Variants in BRF1 observed in about 807,000 individuals in gnomAD.
BRF1 encodes the protein BRF1 general transcription factor IIIB subunit, also known as transcription factor IIIB 90 kDa subunit.
A neutral mutation model predicts 81.7 loss-of-function variants in BRF1; 59 were observed. The observed-to-expected ratio is 0.72, with a 90% confidence interval of 0.59 to 0.90. BRF1 has a LOEUF of 0.90. Among genes scored for constraint, BRF1 ranks in the 40% least tolerant of loss-of-function variants. The probability of loss-of-function intolerance (pLI) is 0.00; values close to 1 mark genes in which losing one functional copy is unlikely to be tolerated. For synonymous variants in BRF1, 491 were observed against 395.6 expected (o/e 1.24, Z -2.86); for missense variants, 1,050 against 936.3 (o/e 1.12, Z -1.58).
intron 1 of BRF1, among the ~76,000 whole-genome samples, chr14:105,299,310 G>A (rs771585719): frequency 3.3e-5 from 5 of 151,878 alleles, no homozygotes; most frequent in African/African-American, 9.7e-5. Context: ...GGTGGCTCAC[G>A]CTGTAATCCC....
chr14:105,268,685 T>C (rs2056530109), intron 3 of BRF1, among the ~76,000 whole-genome samples: 2 of 152,208 alleles, frequency 1.3e-5, no homozygotes, highest in Non-Finnish European at 2.9e-5. Flanking sequence ...GACGATACGA[T>C]AGGAGGATCC....
chr14:105,297,944 C>A (rs1282006003), intron 1 of BRF1, among the ~76,000 whole-genome samples: 2 of 152,050 alleles, frequency 1.3e-5, no homozygotes, highest in Non-Finnish European at 2.9e-5. Context: ...TGCAGTGAGC[C>A]GAGATAGTGC....
At chr14:105,253,027 C>T (rs188371610) in intron 4 of BRF1, among the ~76,000 whole-genome samples, 19 of 152,360 alleles carry the variant, frequency 1.2e-4, no homozygotes, top group Admixed American at 1.2e-3. Flanking sequence ...TCCTCAGTGA[C>T]TCCCCTGCCC....
rs144999938 is a variant in BRF1 at position 105,282,108 on chromosome 14, C to T, written c.265+4188G>A. Among the ~76,000 whole-genome samples the T allele has an allele frequency of 4.1e-3, 625 of 152,322 alleles. 3 individuals are homozygous for T. Among genetic ancestry groups the T allele is most frequent in the African/African-American group, 0.014 (568 of 41,558 alleles). ...ACAGAGATCAAAACACACTGGCATT[C>T]AACGTCTCTTGCTGGTGGACCCGGA... On this transcript the variant is annotated intron_variant, in intron 2 of 17. Transcript: ENST00000547530.
chr14:105,280,964 T>G (rs2057062421), intron 2 of BRF1, among the ~76,000 whole-genome samples: 1 of 143,764 alleles, frequency 7.0e-6, no homozygotes, highest in Non-Finnish European at 1.5e-5. Context: ...AGCCCAGGTG[T>G]GTGGACAGAG....
chr14:105,246,379 C>G (rs2055107157), intron 5 of BRF1, among the ~76,000 whole-genome samples: 1 of 151,950 alleles, frequency 6.6e-6, no homozygotes, highest in Admixed American at 6.6e-5. Flanking sequence ...ACCATTATCA[C>G]AAACAAAAAA....
At chr14:105,305,996 C>G (rs2058176994), upstream of BRF1, among the ~76,000 whole-genome samples, 1 of 152,236 alleles carries the variant, frequency 6.6e-6, no homozygotes, top group Admixed American at 6.5e-5. Context: ...AGACCTGACT[C>G]CAGCACACAG....
chr14:105,313,216 T>C (rs1306140569), intron 1 of BRF1, among the ~76,000 whole-genome samples: 1 of 152,180 alleles, frequency 6.6e-6, no homozygotes, highest in Non-Finnish European at 1.5e-5. Flanking sequence ...AACTGCACGC[T>C]CGCCAGGTCC....
rs776145577 is a variant in BRF1, at chr14:105,256,167, TCTC to T, written c.471+348_471+350del. 473 of 1,488,564 alleles carry T rather than the reference TCTC, an allele frequency of 3.2e-4. 4 individuals carry two copies. Among genetic ancestry groups the T allele is most frequent in the South Asian group, 7.4e-4 (59 of 79,724 alleles). The allele number at this position is 1,488,564 out of a possible 1,614,324, so 92.2% of individuals were successfully genotyped here. On this transcript the variant is annotated intron_variant, in intron 4 of 17. Coordinates refer to ENST00000547530, the MANE Select transcript of BRF1 (RefSeq NM_001519.4). ...TAAAATGCAAGGTCAAAAGAAATAA[TCTC>T]CTATACCAAACTAGGTACTCACAAA... is the stretch of plus-strand genomic sequence containing the variant.
chr14:105,247,845 A>G (rs1219775219), intron 5 of BRF1: 3 of 985,548 alleles, frequency 3.0e-6, no homozygotes, highest in African/African-American at 3.5e-5. Context: ...CGGCCTCTGA[A>G]GTCTGGTCTC....
At chr14:105,303,541 C>T (rs907432749), upstream of BRF1, among the ~76,000 whole-genome samples, 2 of 152,198 alleles carry the variant, frequency 1.3e-5, no homozygotes, top group African/African-American at 4.8e-5. Flanking sequence ...TCGCGCCTGG[C>T]CTTTTCCTAG....
Position 105,286,333 on chromosome 14 carries a change from A to G in BRF1, c.228T>C (p.Asn76=), listed in dbSNP as rs1329588060. ...TPTLGGGFHV[N]LGKESRAQTL... ...TCTGCGCTCTCGACTCCTTCCCCAG[A>G]TTCACGTGGAAGCCGCCACCCAGAG... Residue 76 remains asparagine, a synonymous_variant, in exon 2 of 18, where the codon AAT becomes AAC. Coordinates refer to ENST00000547530, the MANE Select transcript of BRF1 (RefSeq NM_001519.4). 6 of 1,613,826 alleles carry G rather than the reference A, an allele frequency of 3.7e-6. No individual in the cohort carries two copies. Among genetic ancestry groups the G allele is most frequent in the Non-Finnish European group, 5.1e-6 (6 of 1,179,926 alleles).
At position 105,269,183 on chromosome 14, in the gene BRF1, G is replaced by A. The variant is rs992272590; in HGVS notation, c.439+3538C>T. Among the ~76,000 whole-genome samples the A allele has an allele frequency of 6.6e-6, 1 of 152,090 alleles. No individual in the cohort carries two copies. The highest frequency in any genetic ancestry group is 6.5e-5 in the Admixed American group (1 of 15,280). On this transcript the variant is annotated intron_variant, in intron 3 of 17. Coordinates refer to ENST00000547530, the MANE Select transcript of BRF1 (RefSeq NM_001519.4). The surrounding 1 kb of genome is among the most constrained non-coding windows in gnomAD (Gnocchi z 5.0). ...CCGCAACCTGAAGGGAGGGCAGAGCGGGACATGCTACACCTGGCCTGACCC... is the reference window on the plus strand; with the variant it reads ...CCGCAACCTGAAGGGAGGGCAGAGCAGGACATGCTACACCTGGCCTGACCC...
At chr14:105,256,388 C>G (rs202141924) in intron 4 of BRF1, 130 bp downstream of exon 4, 1 of 1,602,922 alleles carries the variant, frequency 6.2e-7, no homozygotes, top group Admixed American at 1.7e-5. Flanking sequence ...AACTTCCTGA[C>G]TGGGCAGGCA....
chr14:105,244,756 AG>A (rs2054964550), intron 5 of BRF1, among the ~76,000 whole-genome samples: 1 of 152,134 alleles, frequency 6.6e-6, no homozygotes, highest in Admixed American at 6.5e-5. Context: ...AAAAAGACTA[AG>A]GGACGACTTA....
chr14:105,228,054 C>T (rs995062428), intron 7 of BRF1: 2 of 152,228 alleles, frequency 1.3e-5, no homozygotes, highest in African/African-American at 4.8e-5. Flanking sequence ...AGCCCCACCC[C>T]TGCCTGCCTG....
rs1373472026 is a variant in BRF1, at chr14:105,314,939, C to T, written c.-162+383G>A. 8.7e-6 allele frequency: 10 copies of T among 1,146,178 alleles called. No individual in the cohort carries two copies. The highest frequency in any genetic ancestry group is 8.4e-5 in the African/African-American group (5 of 59,640). The allele number at this position is 1,146,178 out of a possible 1,614,324, so 71.0% of individuals were successfully genotyped here. On this transcript the variant is annotated intron_variant, in intron 1 of 17. Coordinates refer to the BRF1 transcript ENST00000327359. The stretch of plus-strand genomic sequence containing the variant: ...GCGCCATGGCCGAGCGAGGCCGCCT[C>T]GGCCTCCCCGGCGCGCCCGGCGCGC...
chr14:105,263,794 G>A (rs919703815), intron 3 of BRF1, among the ~76,000 whole-genome samples: 4 of 151,890 alleles, frequency 2.6e-5, no homozygotes, highest in Non-Finnish European at 5.9e-5. Context: ...ATGTGGTGGC[G>A]GGCACCTATA....
At chr14:105,294,582 A>AGGCTG (rs2057658608) in intron 1 of BRF1, among the ~76,000 whole-genome samples, 1 of 152,236 alleles carries the variant, frequency 6.6e-6, no homozygotes, top group African/African-American at 2.4e-5. Flanking sequence ...CAGCAGTCCT[A>AGGCTG]GGAAGATACC....
Sources: allele counts gnomAD v4.1 joint callset (sites outside exome capture counted in the v4.1 genomes callset), GRCh38; gene constraint gnomAD v4.1.1; non-coding constraint Gnocchi (gnomAD v3.1); transcripts MANE v1.5; gene names NCBI Gene and HGNC (gene_info 2026-07-23, HGNC 2026-07-21).